The following NLGN1 variants were observed in gnomAD, a reference collection of about 807,000 sequenced individuals.
NLGN1 encodes neuroligin-1.
In NLGN1, 12 loss-of-function variants were observed where a neutral mutation model predicts 65.5. The observed-to-expected ratio is 0.18, with a 90% CI of 0.12 to 0.30. The LOEUF (loss-of-function observed/expected upper bound fraction) is 0.30. Among genes scored for constraint, NLGN1 ranks in the 10% least tolerant of loss-of-function variants. NLGN1 has a pLI of 1.00. For synonymous variants in NLGN1, 350 were observed against 359.5 expected (o/e 0.97, Z 0.30); for missense variants, 750 against 1,007.1 (o/e 0.74, Z 3.46).
intron 3 of NLGN1, chr3:173,685,759 G>A: frequency 5.1e-6 from 5 of 985,410 alleles, no homozygotes; most frequent in Non-Finnish European, 6.0e-6. Flanking sequence ...TGAAGCATGT[G>A]CTGGGGCTTT....
At position 173,857,373 on chromosome 3, in the gene NLGN1, T is replaced by C. The variant is rs968351805; in HGVS notation, c.646+49541T>C. ...TATGCTGTAAATATCCCCAGCTTCA[T>C]GGTTTGTACAGAGCCTTCTCAACCT... is the stretch of plus-strand genomic sequence containing the variant. On this transcript the variant is annotated intron_variant, in intron 4 of 6. Transcript: ENST00000457714. Among the ~76,000 whole-genome samples the C allele has an allele frequency of 2.6e-5, 4 of 152,248 alleles. 1 individual carries two copies. The East Asian group carries it at 5.8e-4, about 22-fold the overall frequency.
chr3:173,865,949 G>T (rs938470979), intron 4 of NLGN1, among the ~76,000 whole-genome samples: 2 of 152,006 alleles, frequency 1.3e-5, no homozygotes, highest in Non-Finnish European at 2.9e-5. Flanking sequence ...AACCACATGG[G>T]CCTGGAGACT....
chr3:173,687,687 T>G (rs1204696118), intron 3 of NLGN1, among the ~76,000 whole-genome samples: 1 of 152,238 alleles, frequency 6.6e-6, no homozygotes, highest in African/African-American at 2.4e-5. Flanking sequence ...CTCAGATAAC[T>G]ATACATATTT....
chr3:174,014,727 T>C (rs1383931188), intron 4 of NLGN1, among the ~76,000 whole-genome samples: 1 of 152,150 alleles, frequency 6.6e-6, no homozygotes, highest in Non-Finnish European at 1.5e-5. Context: ...TAAGAAGCAT[T>C]ATGTTCCAGA....
the NLGN1 span, among the ~76,000 whole-genome samples, chr3:174,293,983 G>A: frequency 6.6e-6 from 1 of 151,620 alleles, no homozygotes; most frequent in Non-Finnish European, 1.5e-5. Flanking sequence ...ATGAATGTAA[G>A]TACAGATAAT....
At chr3:173,666,623 G>A (rs1197556780) in intron 3 of NLGN1, among the ~76,000 whole-genome samples, 1 of 152,126 alleles carries the variant, frequency 6.6e-6, no homozygotes, top group Admixed American at 6.6e-5. Flanking sequence ...CTCTCTTGGT[G>A]ATGCTCCTTC....
At chr3:174,290,597 G>A (rs551121), downstream of NLGN1, among the ~76,000 whole-genome samples, 52,358 of 150,846 alleles carry the variant, frequency 0.35, 9,667 homozygotes, top group African/African-American at 0.46. Context: ...TAATACATCA[G>A]ATAATGAGTT....
At chr3:174,234,084 G>A (rs574998018) in intron 4 of NLGN1, among the ~76,000 whole-genome samples, 95 of 152,194 alleles carry the variant, frequency 6.2e-4, no homozygotes, top group African/African-American at 2.3e-3. Flanking sequence ...TGAGTCTGCA[G>A]CAACCTCAAT....
At chr3:173,817,713 T>C (rs1039072476) in intron 4 of NLGN1, among the ~76,000 whole-genome samples, 3 of 152,212 alleles carry the variant, frequency 2.0e-5, no homozygotes, top group African/African-American at 7.2e-5. Context: ...TAGTAATCTA[T>C]AATATAGTAA....
intron 2 of NLGN1, among the ~76,000 whole-genome samples, chr3:173,538,197 A>G (rs1420869753): frequency 6.6e-6 from 1 of 152,192 alleles, no homozygotes; most frequent in Non-Finnish European, 1.5e-5. Context: ...ATGCTGATTC[A>G]GACCGCATAC....
chr3:174,082,165 T>C (rs892415872), intron 4 of NLGN1, among the ~76,000 whole-genome samples: 5 of 152,168 alleles, frequency 3.3e-5, no homozygotes, highest in Non-Finnish European at 7.4e-5. Flanking sequence ...AGAGAAAATA[T>C]CAAACAACTT....
chr3:173,835,761 C>T (rs1402375000), intron 4 of NLGN1, among the ~76,000 whole-genome samples: 1 of 151,890 alleles, frequency 6.6e-6, no homozygotes, highest in African/African-American at 2.4e-5. Flanking sequence ...TCCAAGAATA[C>T]TAGATGTTTC....
At chr3:173,431,029 A>G (rs1717070830) in intron 1 of NLGN1, among the ~76,000 whole-genome samples, 1 of 152,230 alleles carries the variant, frequency 6.6e-6, no homozygotes, top group Non-Finnish European at 1.5e-5. Flanking sequence ...CTTTTAATTA[A>G]TTAATTGACT....
chr3:173,832,996 A>G (rs1385068052), intron 4 of NLGN1, among the ~76,000 whole-genome samples: 1 of 152,194 alleles, frequency 6.6e-6, no homozygotes, highest in African/African-American at 2.4e-5. Context: ...ATGTGGATGA[A>G]ACCATATGTG....
At chr3:173,524,395 G>C (rs1735286530) in intron 2 of NLGN1, among the ~76,000 whole-genome samples, 1 of 152,168 alleles carries the variant, frequency 6.6e-6, no homozygotes, top group South Asian at 2.1e-4. Context: ...AAATGCTACT[G>C]ATTCTTGTAC....
intron 4 of NLGN1, among the ~76,000 whole-genome samples, chr3:174,256,972 CA>C: frequency 6.6e-6 from 1 of 152,214 alleles, no homozygotes; most frequent in Non-Finnish European, 1.5e-5. Flanking sequence ...AGAAAACAGA[CA>C]ATCTATCAAA....
chr3:173,967,475 A>G (rs1715147622), intron 4 of NLGN1, among the ~76,000 whole-genome samples: 1 of 152,190 alleles, frequency 6.6e-6, no homozygotes, highest in South Asian at 2.1e-4. Context: ...CTAAAAAAGA[A>G]TTCTTGTCAA....
intron 4 of NLGN1, among the ~76,000 whole-genome samples, chr3:174,270,876 T>C (rs530546159): frequency 6.6e-6 from 1 of 151,992 alleles, no homozygotes; most frequent in East Asian, 1.9e-4. Context: ...TAAATCCTTT[T>C]ATGTTTAAGA....
rs1751128847 is a variant in NLGN1, at chr3:174,279,116, T to G, written c.1115T>G (p.Leu372Trp). 6.2e-7 allele frequency: 1 copy of G among 1,613,342 alleles called. No homozygotes were observed. Among genetic ancestry groups the G allele is most frequent in the Non-Finnish European group, 8.5e-7 (1 of 1,179,528 alleles). ...GTAATACCAGACGACCCCCAGATAT[T>G]GATGGAGCAAGGAGAGTTTCTCAAC... The change falls in exon 6 of 7, where the codon TTG becomes TGG. Residue 372 changes from leucine (L) to tryptophan (W), a missense_variant. By Grantham distance (61) the Leu-to-Trp change is moderately conservative. Coordinates refer to ENST00000457714, the Ensembl canonical transcript of NLGN1. This position sits in a 1 kb window ranked among gnomAD's most constrained non-coding sequence, Gnocchi z 4.7.
Sources: allele counts gnomAD v4.1 joint callset (sites outside exome capture counted in the v4.1 genomes callset), GRCh38; gene constraint gnomAD v4.1.1; non-coding constraint Gnocchi (gnomAD v3.1); transcripts MANE v1.5; gene names NCBI Gene and HGNC (gene_info 2026-07-23, HGNC 2026-07-21).